Variants in DPRX observed in about 807,000 individuals in gnomAD.
DPRX encodes divergent paired-related homeobox.
Under a neutral mutation model 8.4 loss-of-function variants are expected in DPRX, and 11 were observed. That is an observed-to-expected ratio of 1.31 (90% CI 0.82 to 2.17). The LOEUF (loss-of-function observed/expected upper bound fraction) is 2.17, where lower values mean the gene tolerates loss of function less well. DPRX is among the 30% of genes most tolerant of loss of function. The probability of loss-of-function intolerance (pLI) is 0.00; values close to 1 mark genes in which losing one functional copy is unlikely to be tolerated. For missense variants in DPRX, 211 were observed against 236.7 expected, an observed-to-expected ratio of 0.89 and a Z score of 0.71; for synonymous variants, 72 against 87.0, an observed-to-expected ratio of 0.83 and a Z score of 0.96.
the DPRX span, among the ~76,000 whole-genome samples, chr19:53,602,361 CT>C: frequency 0.096 from 12,495 of 130,490 alleles, 1,848 homozygotes; most frequent in African/African-American, 0.32. Flanking sequence ...CACCCAAATA[CT>C]TTTTTTTTTT....
upstream of DPRX, chr19:53,631,943 G>T: frequency 1.2e-6 from 1 of 856,280 alleles, no homozygotes; most frequent in Admixed American, 2.2e-5. Context: ...GAAATCCAGG[G>T]GGCTCTGGAG....
the DPRX span, among the ~76,000 whole-genome samples, chr19:53,617,721 A>G: frequency 6.6e-6 from 1 of 152,184 alleles, no homozygotes; most frequent in Non-Finnish European, 1.5e-5. Flanking sequence ...AAGTGTATTG[A>G]AGCTTGGACT....
At chr19:53,630,703 G>A (rs1406460674), upstream of DPRX, among the ~76,000 whole-genome samples, 6 of 151,954 alleles carry the variant, frequency 3.9e-5, no homozygotes, top group African/African-American at 1.2e-4. Context: ...ACTGTCACAA[G>A]TAGAGATGTG....
At chr19:53,614,519 C>A in the DPRX span, among the ~76,000 whole-genome samples, 1 of 151,460 alleles carries the variant, frequency 6.6e-6, no homozygotes. Flanking sequence ...GGCAACATAG[C>A]GAGACCCTCA....
the DPRX span, among the ~76,000 whole-genome samples, chr19:53,626,283 T>C: frequency 6.6e-6 from 1 of 152,036 alleles, no homozygotes; most frequent in Non-Finnish European, 1.5e-5. Context: ...TTCACCATGT[T>C]GGCTAGGCTG....
At chr19:53,612,083 CA>C in the DPRX span, among the ~76,000 whole-genome samples, 12 of 145,938 alleles carry the variant, frequency 8.2e-5, no homozygotes, top group East Asian at 2.0e-4. Flanking sequence ...GACTCCACCT[CA>C]AAAAAAAAAG....
At chr19:53,603,767 G>A in the DPRX span, among the ~76,000 whole-genome samples, 7 of 137,922 alleles carry the variant, frequency 5.1e-5, no homozygotes, top group African/African-American at 1.6e-4. Flanking sequence ...TTTTTGAGAC[G>A]GAGTCTCACT....
the DPRX span, among the ~76,000 whole-genome samples, chr19:53,615,233 A>G: frequency 1.3e-5 from 2 of 151,824 alleles, no homozygotes; most frequent in Admixed American, 1.3e-4. Flanking sequence ...CAGCCTCCCA[A>G]AATGCTGGGA....
chr19:53,611,515 G>A, the DPRX span, among the ~76,000 whole-genome samples: 5 of 152,100 alleles, frequency 3.3e-5, no homozygotes, highest in East Asian at 1.9e-4. Context: ...TTATAGGCAC[G>A]AGCCTCCGCG....
chr19:53,618,883 T>C, the DPRX span, among the ~76,000 whole-genome samples: 4 of 151,968 alleles, frequency 2.6e-5, no homozygotes, highest in Admixed American at 2.6e-4. Context: ...GGTTTTGCCA[T>C]GTTTGTCAGG....
chr19:53,616,384 G>A, the DPRX span, among the ~76,000 whole-genome samples: 3 of 152,194 alleles, frequency 2.0e-5, no homozygotes, highest in Non-Finnish European at 2.9e-5. Context: ...TTAATCTTCC[G>A]TATATATAGC....
At chr19:53,636,627 A>C in exon 3 of DPRX, 1 of 1,613,544 alleles carries the variant, frequency 6.2e-7, no homozygotes, top group Non-Finnish European at 8.5e-7. Flanking sequence ...GCAAAACTCA[A>C]GAAAGCGAAA....
At chr19:53,623,310 AAAATAAATAAAT>A in the DPRX span, among the ~76,000 whole-genome samples, 5 of 133,936 alleles carry the variant, frequency 3.7e-5, no homozygotes, top group Non-Finnish European at 4.7e-5. Flanking sequence ...CTGTCTCAAA[AAAATAAATAAAT>A]AAATAAATAA....
At chr19:53,625,628 C>A in the DPRX span, among the ~76,000 whole-genome samples, 186 of 151,842 alleles carry the variant, frequency 1.2e-3, 3 homozygotes, top group East Asian at 0.031. Flanking sequence ...ATGCCTCTGC[C>A]TCTTCTCATA....
chr19:53,601,219 G>C, the DPRX span: 1 of 455,922 alleles, frequency 2.2e-6, no homozygotes, highest in Non-Finnish European at 4.4e-6. Context: ...AAGAGTGTTG[G>C]GCTCAGACAC....
At chr19:53,614,477 T>C in the DPRX span, among the ~76,000 whole-genome samples, 1 of 151,994 alleles carries the variant, frequency 6.6e-6, no homozygotes, top group South Asian at 2.1e-4. Context: ...GGTGGAAGAA[T>C]TACTTGAGAC....
At chr19:53,608,991 A>G in the DPRX span, among the ~76,000 whole-genome samples, 10 of 108,874 alleles carry the variant, frequency 9.2e-5, no homozygotes, top group South Asian at 2.6e-3. Context: ...AAAAGAAAGA[A>G]AGAGAAAGAA....
At chr19:53,601,936 G>A in the DPRX span, 1 of 438,682 alleles carries the variant, frequency 2.3e-6, no homozygotes, top group Admixed American at 2.5e-5. Context: ...AGTATTTAGA[G>A]CTTGAGGCAT....
the DPRX span, among the ~76,000 whole-genome samples, chr19:53,610,458 T>C: frequency 2.0e-5 from 3 of 152,216 alleles, no homozygotes; most frequent in Admixed American, 6.6e-5. Flanking sequence ...TGTACAATTA[T>C]TATGTATCAA....
Sources: allele counts gnomAD v4.1 joint callset (sites outside exome capture counted in the v4.1 genomes callset), GRCh38; gene constraint gnomAD v4.1.1; transcripts MANE v1.5; gene names NCBI Gene and HGNC (gene_info 2026-07-23, HGNC 2026-07-21).